TBC1D14: variants seen among roughly 807,000 people sequenced by gnomAD.
TBC1D14 encodes the protein TBC1 domain family, member 14.
In TBC1D14, 26 loss-of-function variants were observed where a neutral mutation model predicts 79.0. The ratio of observed to expected loss-of-function variants is 0.33; its 90% confidence interval spans 0.24 to 0.46. The LOEUF (loss-of-function observed/expected upper bound fraction) is 0.46. Among genes scored for constraint, TBC1D14 ranks in the 20% least tolerant of loss-of-function variants. The pLI is 1.00. For missense variants in TBC1D14, 769 were observed against 887.6 expected, an observed-to-expected ratio of 0.87 and a Z score of 1.70; for synonymous variants, 394 against 349.9, an observed-to-expected ratio of 1.13 and a Z score of -1.40.
Position 6,994,114 on chromosome 4 carries a change from T to C in TBC1D14, c.844-70T>C, listed in dbSNP as rs1718774400. The C allele has an allele frequency of 4.5e-6, 6 of 1,339,046 alleles. No individual in the cohort carries two copies. The Admixed American group carries it at 1.0e-4, about 23-fold the overall frequency. 82.9% of individuals were successfully genotyped at this position (1,339,046 alleles called of 1,614,324 possible). A position where few individuals can be genotyped will look rare whatever the true frequency, so the allele number is the denominator to read the frequency against. ...TAAAAGAGTTTCATGACAAAACAAC[T>C]TTCTTACTTTCCGAAGGACTTCATC... On this transcript the variant is annotated intron_variant, in intron 3 of 13. Coordinates refer to ENST00000409757, the MANE Select transcript of TBC1D14 (RefSeq NM_020773.3).
At chr4:6,912,488 C>A (rs1417469499) in intron 1 of TBC1D14, among the ~76,000 whole-genome samples, 1 of 152,184 alleles carries the variant, frequency 6.6e-6, no homozygotes, top group East Asian at 1.9e-4. Context: ...AGGGACTGAT[C>A]TGCTTGGCTA....
chr4:6,912,776 T>C (rs1310465596), intron 1 of TBC1D14, among the ~76,000 whole-genome samples: 2 of 152,222 alleles, frequency 1.3e-5, no homozygotes, highest in Non-Finnish European at 2.9e-5. Flanking sequence ...GTGGATTTCT[T>C]CCCCTAATCT....
rs547877106 is a variant in TBC1D14 at position 6,939,329 on chromosome 4, C to G, written c.722+15218C>G. On this transcript the variant is annotated intron_variant, in intron 2 of 13. Coordinates refer to ENST00000409757, the MANE Select transcript of TBC1D14 (RefSeq NM_020773.3). ...ATGAGAAGAATCCACAGGAGCCCCC[C>G]CCAGGAAGAATGGCCCCCTTTGCTG... is the stretch of plus-strand genomic sequence containing the variant. 5.4e-4 allele frequency among the ~76,000 whole-genome samples: 81 copies of G among 151,242 alleles called. No homozygotes were observed. In the South Asian group the frequency reaches 8.1e-3, roughly 15 times the overall value.
chr4:6,988,842 C>G (rs66519732), intron 3 of TBC1D14, among the ~76,000 whole-genome samples: 15,293 of 145,644 alleles, frequency 0.11, 1,307 homozygotes, highest in African/African-American at 0.24. Flanking sequence ...CCTTTCTTGT[C>G]TTTCTACCAG....
intron 10 of TBC1D14, 116 bp from the exon 11 acceptor site, chr4:7,010,537 C>T (rs1366432613): frequency 1.1e-5 from 14 of 1,274,708 alleles, no homozygotes; most frequent in East Asian, 7.6e-5. Context: ...AGGAGTGGGG[C>T]GGCTCTAGGG....
intron 10 of TBC1D14, 51 bp downstream of exon 10, chr4:7,009,999 C>T: frequency 6.3e-7 from 1 of 1,597,346 alleles, no homozygotes; most frequent in Non-Finnish European, 8.6e-7. Context: ...AAAAGAAAGT[C>T]AGATATTGTC....
intron 3 of TBC1D14, among the ~76,000 whole-genome samples, chr4:6,975,312 G>A (rs1344102594): frequency 6.6e-6 from 1 of 152,152 alleles, no homozygotes; most frequent in Non-Finnish European, 1.5e-5. Flanking sequence ...AGGCTCAAGC[G>A]ATCCTCCCAT....
intron 2 of TBC1D14, among the ~76,000 whole-genome samples, chr4:6,948,053 C>T (rs903034490): frequency 2.0e-5 from 3 of 152,038 alleles, no homozygotes; most frequent in East Asian, 1.9e-4. Flanking sequence ...GGAGGGACTG[C>T]GTGGGGAGGG....
rs896135526 is a variant in TBC1D14 at position 6,964,638 on chromosome 4, C to T, written c.723-2666C>T. 4.6e-5 allele frequency among the ~76,000 whole-genome samples: 7 copies of T among 152,180 alleles called. No homozygotes were observed. The East Asian group carries it at 1.3e-3, about 29-fold the overall frequency. ...TTTCTTTTTCTTTCTTTTTTTGAAA[C>T]AAGGTCTTGCTCTGTCGCCCAGGCT... On this transcript the variant is annotated intron_variant, in intron 2 of 13. Coordinates refer to ENST00000409757, the MANE Select transcript of TBC1D14 (RefSeq NM_020773.3).
chr4:6,924,150 G>A, intron 2 of TBC1D14, 39 bp downstream of exon 2: 1 of 1,577,184 alleles, frequency 6.3e-7, no homozygotes. Flanking sequence ...CGTGGTGGTT[G>A]AGTCCAGACC....
chr4:7,014,029 G>A (rs533391254), intron 11 of TBC1D14, among the ~76,000 whole-genome samples: 45 of 152,308 alleles, frequency 3.0e-4, no homozygotes, highest in Admixed American at 1.3e-4. Flanking sequence ...GATTACAGGC[G>A]TGAGCCACCG....
At chr4:7,003,321 T>A (rs940212960) in intron 7 of TBC1D14, among the ~76,000 whole-genome samples, 2 of 152,220 alleles carry the variant, frequency 1.3e-5, no homozygotes, top group Non-Finnish European at 1.5e-5. Context: ...GATTCCCTAG[T>A]GGCCATGGCC....
chr4:6,949,370 A>G (rs892093990), intron 2 of TBC1D14, among the ~76,000 whole-genome samples: 1 of 152,070 alleles, frequency 6.6e-6, no homozygotes, highest in African/African-American at 2.4e-5. Flanking sequence ...TTTATAGATC[A>G]GTGTTTATTA....
At chr4:6,910,771 G>C (rs752986495) in intron 1 of TBC1D14, among the ~76,000 whole-genome samples, 6 of 152,152 alleles carry the variant, frequency 3.9e-5, no homozygotes, top group Non-Finnish European at 5.9e-5. Context: ...ACGTGAAGTC[G>C]TTTCTGTCCT....
At chr4:6,917,279 G>A (rs1723480976) in intron 1 of TBC1D14, among the ~76,000 whole-genome samples, 2 of 152,214 alleles carry the variant, frequency 1.3e-5, no homozygotes, top group African/African-American at 4.8e-5. Context: ...TCCATGCCAG[G>A]CATTTAACCA....
At chr4:6,962,348 G>C (rs1023542807) in intron 2 of TBC1D14, among the ~76,000 whole-genome samples, 2 of 152,132 alleles carry the variant, frequency 1.3e-5, no homozygotes, top group African/African-American at 4.8e-5. Context: ...CCATGTGTGG[G>C]TTGGAGGCAG....
At chr4:6,999,841 G>T (rs1350739180) in intron 6 of TBC1D14, among the ~76,000 whole-genome samples, 2 of 152,162 alleles carry the variant, frequency 1.3e-5, no homozygotes, top group Admixed American at 6.5e-5. Context: ...TGACCCCAGT[G>T]TCCAGTAGAG....
rs1720573735 is a variant in TBC1D14, at chr4:7,009,880, G to A, written c.1450G>A (p.Gly484Ser). The change falls in exon 10 of 14, where the codon GGT (glycine) becomes AGT (serine). Residue 484 changes from glycine (G) to serine (S), a missense_variant. Coordinates refer to ENST00000409757, the MANE Select transcript of TBC1D14 (RefSeq NM_020773.3). Reference sequence around the variant, plus strand: ...TTTGCTGTGTTGATCCTTTTAGGGTGGTCCATATCATGACATGTTGCACAG... The same window carrying A: ...TTTGCTGTGTTGATCCTTTTAGGGTAGTCCATATCATGACATGTTGCACAG... ...FPNLCIFQQGGPYHDMLHSIL... is the reference protein window; with the variant it reads ...FPNLCIFQQGSPYHDMLHSIL... 6.2e-7 allele frequency: 1 copy of A among 1,614,008 alleles called. No individual in the cohort carries two copies. The highest frequency in any genetic ancestry group is 8.5e-7 in the Non-Finnish European group (1 of 1,180,010).
chr4:6,962,861 C>T (rs1715349861), intron 2 of TBC1D14, among the ~76,000 whole-genome samples: 1 of 152,196 alleles, frequency 6.6e-6, no homozygotes, highest in African/African-American at 2.4e-5. Flanking sequence ...GCATGTCAGT[C>T]CTGCCTCCTC....
Sources: gnomAD v4.1 joint callset for allele counts (sites outside exome capture counted in the v4.1 genomes callset) on GRCh38, gnomAD v4.1.1 for gene constraint, MANE v1.5 for transcripts, NCBI Gene and HGNC (gene_info 2026-07-23, HGNC 2026-07-21) for gene names.